The following CLCN3 variants were observed in gnomAD, a reference collection of about 807,000 sequenced individuals.
CLCN3 encodes the protein Cl-/H+ antiporter 3.
In CLCN3, 16 loss-of-function variants were observed where a neutral mutation model predicts 83.4. The observed-to-expected ratio is 0.19, with a 90% confidence interval of 0.13 to 0.29. CLCN3 has a LOEUF of 0.29. CLCN3 is among the 10% of genes least tolerant of loss of function. The pLI, the probability that CLCN3 is intolerant of heterozygous loss-of-function variation, is 1.00. For missense variants in CLCN3, 544 were observed against 1,006.0 expected (o/e 0.54, Z 6.21); for synonymous variants, 322 against 346.2 (o/e 0.93, Z 0.78).
rs200826989 is a variant in CLCN3 at position 169,707,241 on chromosome 4, C to A, written c.2124C>A (p.Leu708=). 1.2e-6 allele frequency: 2 copies of A among 1,608,492 alleles called. No homozygotes were observed. The highest frequency in any genetic ancestry group is 1.7e-6 in the Non-Finnish European group (2 of 1,177,694). The change falls in exon 11 of 13, where the codon CTC becomes CTA. Residue 708 remains leucine, a synonymous_variant. Coordinates refer to ENST00000513761, the MANE Select transcript of CLCN3 (RefSeq NM_001829.4). ...KESQRLVGFA[L]RRDLTIAIES... ...CTCAGAGATTAGTGGGATTTGCCCTCAGAAGAGACCTGACAATTGCAATAG... is the reference window on the plus strand; with the variant it reads ...CTCAGAGATTAGTGGGATTTGCCCTAAGAAGAGACCTGACAATTGCAATAG...
chr4:169,626,102 T>TAA lies in CLCN3; in HGVS notation c.-17+5041_-17+5042dup, dbSNP rs534675647. Among the ~76,000 whole-genome samples the TAA allele has an allele frequency of 2.6e-4, 39 of 152,350 alleles. 1 individual carries two copies. The South Asian group carries it at 5.0e-3, about 19-fold the overall frequency. On this transcript the variant is annotated intron_variant, in intron 1 of 12. Transcript: ENST00000513761. ...CCTGTGCTTCTGATAACACTGGCTATAAATCAGGGATCCCATGACCCCCCC... is the reference window on the plus strand; with the variant it reads ...CCTGTGCTTCTGATAACACTGGCTATAAAAATCAGGGATCCCATGACCCCCCC...
chr4:169,626,976 G>T (rs934492593), intron 1 of CLCN3, among the ~76,000 whole-genome samples: 1 of 152,144 alleles, frequency 6.6e-6, no homozygotes, highest in Non-Finnish European at 1.5e-5. Context: ...CTCATCTCCA[G>T]CTTCTCTATC....
rs759163763 is a variant in CLCN3 at position 169,640,611 on chromosome 4, A to C, written c.160+4523A>C. ...TAATTTGAATGAGTCATTTTGGTCA[A>C]TAATTCAGATTCCATGGAAAATGCA... On this transcript the variant is annotated intron_variant, in intron 2 of 12. Coordinates refer to ENST00000513761, the MANE Select transcript of CLCN3 (RefSeq NM_001829.4). Among the ~76,000 whole-genome samples, 5 of 152,340 alleles carry C rather than the reference A, an allele frequency of 3.3e-5. No homozygotes were observed. The South Asian group carries it at 6.2e-4, about 19-fold the overall frequency.
chr4:169,646,868 G>A (rs1037634433), intron 2 of CLCN3, among the ~76,000 whole-genome samples: 1 of 152,050 alleles, frequency 6.6e-6, no homozygotes, highest in African/African-American at 2.4e-5. Context: ...AAAAATGAAG[G>A]GAAACATATC....
intron 2 of CLCN3, among the ~76,000 whole-genome samples, chr4:169,672,420 G>A (rs1442551516): frequency 1.3e-5 from 2 of 151,714 alleles, no homozygotes; most frequent in Non-Finnish European, 2.9e-5. Flanking sequence ...GATTACAGGT[G>A]TGAGTCACCA....
intron 1 of CLCN3, among the ~76,000 whole-genome samples, chr4:169,631,957 C>T (rs1238347598): frequency 2.0e-5 from 3 of 151,950 alleles, no homozygotes; most frequent in Non-Finnish European, 4.4e-5. Context: ...AGCCCTGGAC[C>T]AGATGTATTC....
chr4:169,658,743 A>G (rs1439389672), intron 2 of CLCN3, among the ~76,000 whole-genome samples: 2 of 152,006 alleles, frequency 1.3e-5, no homozygotes, highest in Admixed American at 6.6e-5. Context: ...ATCACCTACT[A>G]TCCTATCAAA....
chr4:169,683,609 A>G (rs1178259812), intron 3 of CLCN3, among the ~76,000 whole-genome samples: 1 of 152,200 alleles, frequency 6.6e-6, no homozygotes, highest in Non-Finnish European at 1.5e-5. Context: ...TATGTGTCCT[A>G]GCTAATTTTA....
chr4:169,689,680 C>T (rs574732481), intron 5 of CLCN3, among the ~76,000 whole-genome samples: 2 of 152,248 alleles, frequency 1.3e-5, no homozygotes, highest in East Asian at 1.9e-4. Flanking sequence ...GATTGATTTA[C>T]TATGATCTAC....
chr4:169,720,119 A>G lies in CLCN3; in HGVS notation c.*122A>G. The stretch of plus-strand genomic sequence containing the variant: ...TCCTTTACAAAAAAAGAAAGGAAAT[A>G]TAAAAGCCGGGTTTTTGCAACATGG... On this transcript the variant is annotated 3_prime_UTR_variant, in exon 13 of 13. Coordinates refer to ENST00000513761, the MANE Select transcript of CLCN3 (RefSeq NM_001829.4). The G allele has an allele frequency of 1.3e-6, 2 of 1,496,286 alleles. No individual in the cohort carries two copies. The highest frequency in any genetic ancestry group is 1.8e-6 in the Non-Finnish European group (2 of 1,106,774). 92.7% of individuals were successfully genotyped at this position (1,496,286 alleles called of 1,614,324 possible). A position where few individuals can be genotyped will look rare whatever the true frequency, so the allele number is the denominator to read the frequency against.
intron 1 of CLCN3, among the ~76,000 whole-genome samples, chr4:169,634,893 T>C (rs142143357): frequency 5.1e-4 from 77 of 152,324 alleles, no homozygotes; most frequent in African/African-American, 1.8e-3. Flanking sequence ...ATATAATCTG[T>C]TTAAAAGATA....
rs535196415 is a variant in CLCN3 at position 169,712,823 on chromosome 4, C to T, written c.2150-256C>T. 5.9e-5 allele frequency among the ~76,000 whole-genome samples: 9 copies of T among 152,242 alleles called. No homozygotes were observed. In the South Asian group the frequency reaches 1.9e-3, roughly 32 times the overall value. On this transcript the variant is annotated intron_variant, in intron 11 of 12. Coordinates refer to ENST00000513761, the MANE Select transcript of CLCN3 (RefSeq NM_001829.4). ...AACAGCTTCAGTAAAGAAAATTGTA[C>T]GATGATATAACTTTACCAAAAAATA...
chr4:169,687,460 G>T (rs1212446260), intron 3 of CLCN3, among the ~76,000 whole-genome samples, 198 bp from the exon 4 acceptor site: 1 of 152,102 alleles, frequency 6.6e-6, no homozygotes, highest in Non-Finnish European at 1.5e-5. Context: ...AGCAGATCTT[G>T]GGTAAAGACA....
At position 169,693,054 on chromosome 4, in the gene CLCN3, G is replaced by A. The variant is rs147252679; in HGVS notation, c.936+734G>A. On this transcript the variant is annotated intron_variant, in intron 7 of 12. Coordinates refer to ENST00000513761, the MANE Select transcript of CLCN3 (RefSeq NM_001829.4). ...CAAATCTAAATCTACAGCCCTAGATGGTACAGAGATCTTTGAGTTTTTAAG... is the reference window on the plus strand; with the variant it reads ...CAAATCTAAATCTACAGCCCTAGATAGTACAGAGATCTTTGAGTTTTTAAG... 6.3e-3 allele frequency among the ~76,000 whole-genome samples: 953 copies of A among 152,184 alleles called. 11 individuals are homozygous for A. Among genetic ancestry groups the A allele is most frequent in the African/African-American group, 0.022 (917 of 41,540 alleles).
intron 1 of CLCN3, among the ~76,000 whole-genome samples, chr4:169,629,742 C>T (rs566134387): frequency 3.9e-5 from 6 of 152,210 alleles, no homozygotes; most frequent in South Asian, 2.1e-4. Flanking sequence ...CCTCATGACA[C>T]GTTCTACAAT....
At chr4:169,663,581 C>A (rs759297524) in intron 2 of CLCN3, 7 of 409,788 alleles carry the variant, frequency 1.7e-5, no homozygotes, top group Non-Finnish European at 3.4e-5. Context: ...CTCAAGCAAC[C>A]CTCCTGCCTT....
At position 169,647,055 on chromosome 4, in the gene CLCN3, C is replaced by T. The variant is rs1452506253; in HGVS notation, c.160+10967C>T. On this transcript the variant is annotated intron_variant, in intron 2 of 12. Coordinates refer to ENST00000513761, the MANE Select transcript of CLCN3 (RefSeq NM_001829.4). ...CAGCTATCAAACAGACTACCTACAT[C>T]ATGACATTCAGATAGATTATCCTGG... is the stretch of plus-strand genomic sequence containing the variant. Among the ~76,000 whole-genome samples, 3 of 152,130 alleles carry T rather than the reference C, an allele frequency of 2.0e-5. No individual in the cohort carries two copies. In the East Asian group the frequency reaches 5.8e-4, roughly 29 times the overall value.
intron 9 of CLCN3, among the ~76,000 whole-genome samples, chr4:169,702,101 A>G (rs1328808214): frequency 6.6e-6 from 1 of 152,162 alleles, no homozygotes; most frequent in Non-Finnish European, 1.5e-5. Context: ...CGCTAGTTTC[A>G]GGTGTTTCTA....
intron 12 of CLCN3, among the ~76,000 whole-genome samples, chr4:169,714,575 T>C (rs1216367940): frequency 1.3e-5 from 2 of 152,166 alleles, no homozygotes; most frequent in Non-Finnish European, 2.9e-5. Context: ...ACCCAGCCTC[T>C]TGCTACTATT....
Sources: allele counts gnomAD v4.1 joint callset (sites outside exome capture counted in the v4.1 genomes callset), GRCh38; gene constraint gnomAD v4.1.1; transcripts MANE v1.5; gene names NCBI Gene and HGNC (gene_info 2026-07-23, HGNC 2026-07-21).